Variants in ME3 observed in about 807,000 individuals in gnomAD.
ME3 encodes the protein NADP-dependent malic enzyme, mitochondrial.
ME3 carries 48 observed loss-of-function variants against 68.9 expected under a neutral mutation model. That is an observed-to-expected ratio of 0.70 (90% CI 0.55 to 0.89). ME3 has a LOEUF of 0.89. ME3 is among the 40% of genes least tolerant of loss of function. The probability of loss-of-function intolerance (pLI) is 0.00; values close to 1 mark genes in which losing one functional copy is unlikely to be tolerated. For synonymous variants in ME3, 320 were observed against 318.8 expected (o/e 1.00, Z -0.04); for missense variants, 675 against 797.4 (o/e 0.85, Z 1.85).
At chr11:86,499,050 C>T (rs1328678534) in intron 5 of ME3, among the ~76,000 whole-genome samples, 1 of 152,038 alleles carries the variant, frequency 6.6e-6, no homozygotes, top group Non-Finnish European at 1.5e-5. Flanking sequence ...TAAAGGGTGG[C>T]AGAGATTAGA....
At chr11:86,560,326 T>G (rs991312147) in intron 2 of ME3, among the ~76,000 whole-genome samples, 1 of 152,178 alleles carries the variant, frequency 6.6e-6, no homozygotes, top group South Asian at 2.1e-4. Context: ...CCTGCTGCCA[T>G]GTAAGATGTG....
intron 4 of ME3, among the ~76,000 whole-genome samples, chr11:86,515,776 A>G (rs971214131): frequency 9.2e-5 from 14 of 152,102 alleles, no homozygotes; most frequent in African/African-American, 3.4e-4. Context: ...GGTCTGTTTC[A>G]ATCTTCTCTC....
intron 7 of ME3, among the ~76,000 whole-genome samples, chr11:86,480,224 C>T (rs1951321869): frequency 3.3e-5 from 5 of 152,196 alleles, no homozygotes; most frequent in Admixed American, 3.3e-4. Flanking sequence ...CAGATACATG[C>T]TTTGTTAGTG....
chr11:86,627,559 A>T lies in ME3; in HGVS notation c.183+44203T>A, dbSNP rs1943740233. 1.3e-5 allele frequency among the ~76,000 whole-genome samples: 2 copies of T among 152,236 alleles called. 1 individual carries two copies. The highest frequency in any genetic ancestry group is 1.3e-4 in the Admixed American group (2 of 15,290). ...TGAATATAATTTTTCAATCAGACACACAATAAAATTACCAAGATTCTGAGA... is the reference window on the plus strand; with the variant it reads ...TGAATATAATTTTTCAATCAGACACTCAATAAAATTACCAAGATTCTGAGA... On this transcript the variant is annotated intron_variant, in intron 2 of 14. Transcript: ENST00000543262.
intron 4 of ME3, among the ~76,000 whole-genome samples, chr11:86,536,976 G>A (rs1955711116): frequency 6.6e-6 from 1 of 151,854 alleles, no homozygotes; most frequent in Non-Finnish European, 1.5e-5. Context: ...ATGAGTTCAT[G>A]TCCTTTGTAG....
At chr11:86,631,670 C>T (rs938471593) in intron 2 of ME3, among the ~76,000 whole-genome samples, 1 of 152,134 alleles carries the variant, frequency 6.6e-6, no homozygotes, top group African/African-American at 2.4e-5. Flanking sequence ...TTAAAAATAA[C>T]AGGCAATAAT....
chr11:86,539,807 G>A (rs1594360752), intron 4 of ME3, among the ~76,000 whole-genome samples: 1 of 152,106 alleles, frequency 6.6e-6, no homozygotes, highest in African/African-American at 2.4e-5. Flanking sequence ...TGGACCACAG[G>A]TGTCCAACCT....
At chr11:86,482,642 C>T (rs914594940) in intron 7 of ME3, among the ~76,000 whole-genome samples, 1 of 151,152 alleles carries the variant, frequency 6.6e-6, no homozygotes, top group Non-Finnish European at 1.5e-5. Context: ...TTAGACTGTT[C>T]CAGTTCCAGG....
At chr11:86,546,485 C>G (rs1956366167) in intron 4 of ME3, among the ~76,000 whole-genome samples, 1 of 152,012 alleles carries the variant, frequency 6.6e-6, no homozygotes, top group Non-Finnish European at 1.5e-5. Context: ...AACAGACAAC[C>G]CCATCAAAAA....
intron 8 of ME3, among the ~76,000 whole-genome samples, chr11:86,453,329 A>G (rs1364852750): frequency 1.3e-5 from 2 of 152,218 alleles, no homozygotes; most frequent in African/African-American, 2.4e-5. Context: ...GGAAGTACAC[A>G]TGTGCCAGAC....
Position 86,560,740 on chromosome 11 carries a change from G to GTGTGTGTGTGTA in ME3, c.184-918_184-917insTACACACACACA, listed in dbSNP as rs1565953757. On this transcript the variant is annotated intron_variant, in intron 2 of 14. Coordinates refer to ENST00000543262, the Ensembl canonical transcript of ME3. ...TGTGTGTGTGTATGTGTGTGTGTGT[G>GTGTGTGTGTGTA]TGTGTGTGTATATATATATATATAT... Among the ~76,000 whole-genome samples the GTGTGTGTGTGTA allele has an allele frequency of 5.6e-5, 3 of 53,846 alleles. No homozygotes were observed. The East Asian group carries it at 1.5e-3, about 26-fold the overall frequency. 35.3% of individuals were successfully genotyped at this position (53,846 alleles called of 152,430 possible).
At chr11:86,521,413 C>A (rs11234673) in intron 4 of ME3, among the ~76,000 whole-genome samples, 61,935 of 112,218 alleles carry the variant, frequency 0.55, 13,659 homozygotes, top group South Asian at 0.63. Context: ...ACAAACAAAA[C>A]AAAACAAAAC....
Position 86,595,306 on chromosome 11 carries a change from T to TATATATATAG in ME3, c.184-35484_184-35483insCTATATATAT, listed in dbSNP as rs371436753. Among the ~76,000 whole-genome samples the TATATATATAG allele has an allele frequency of 2.9e-3, 235 of 79,812 alleles. 12 individuals are homozygous for TATATATATAG. Among genetic ancestry groups the TATATATATAG allele is most frequent in the African/African-American group, 8.6e-3 (218 of 25,408 alleles). 52.4% of individuals were successfully genotyped at this position (79,812 alleles called of 152,430 possible). A position where few individuals can be genotyped will look rare whatever the true frequency, so the allele number is the denominator to read the frequency against. ...ATATACATATACATATATATATATA[T>TATATATATAG]AGAGAGAGAGAGAGAGAGAGAGAGA... On this transcript the variant is annotated intron_variant, in intron 2 of 14. Transcript: ENST00000543262.
intron 2 of ME3, among the ~76,000 whole-genome samples, chr11:86,652,010 T>C (rs1395769646): frequency 6.6e-6 from 1 of 151,984 alleles, no homozygotes; most frequent in Admixed American, 6.5e-5. Flanking sequence ...GAAGATCAAA[T>C]GAATGACATG....
At chr11:86,528,970 T>A (rs1954989131) in intron 4 of ME3, among the ~76,000 whole-genome samples, 1 of 151,966 alleles carries the variant, frequency 6.6e-6, no homozygotes, top group Non-Finnish European at 1.5e-5. Flanking sequence ...AGCAAACACA[T>A]TCAAAAGCTA....
intron 7 of ME3, among the ~76,000 whole-genome samples, chr11:86,466,169 C>T (rs1411331146): frequency 1.3e-5 from 2 of 152,166 alleles, no homozygotes; most frequent in African/African-American, 2.4e-5. Context: ...GCTACAGGCC[C>T]CCTCAGCTTC....
intron 2 of ME3, among the ~76,000 whole-genome samples, chr11:86,632,394 G>A (rs1378563675): frequency 3.3e-5 from 5 of 152,124 alleles, no homozygotes; most frequent in Admixed American, 3.3e-4. Flanking sequence ...CAGGTATCTT[G>A]GACTCGCTTC....
intron 4 of ME3, among the ~76,000 whole-genome samples, chr11:86,536,849 C>T (rs1955699027): frequency 6.6e-6 from 1 of 152,134 alleles, no homozygotes. Flanking sequence ...ATGTTTATTG[C>T]AGCATTTTTC....
Position 86,587,160 on chromosome 11 carries a change from A to G in ME3, c.184-27337T>C, listed in dbSNP as rs527828823. On this transcript the variant is annotated intron_variant, in intron 2 of 14. Coordinates refer to ENST00000543262, the Ensembl canonical transcript of ME3. ...GTTCTGCTGATGGGCAGAGGAGGAG[A>G]AAAGCATCCAGGTAGAAGAATCAGC... Among the ~76,000 whole-genome samples the G allele has an allele frequency of 2.6e-5, 4 of 152,298 alleles. No individual in the cohort carries two copies. In the South Asian group the frequency reaches 8.3e-4, roughly 32 times the overall value.
Sources: gnomAD v4.1 joint callset for allele counts (sites outside exome capture counted in the v4.1 genomes callset) on GRCh38, gnomAD v4.1.1 for gene constraint, MANE v1.5 for transcripts, NCBI Gene and HGNC (gene_info 2026-07-23, HGNC 2026-07-21) for gene names.